NEK10: variants seen among roughly 807,000 people sequenced by gnomAD.
NEK10 encodes serine/threonine-protein kinase Nek10.
Under a neutral mutation model 159.8 loss-of-function variants are expected in NEK10, and 122 were observed. The observed-to-expected ratio is 0.76, with a 90% CI of 0.66 to 0.89. The LOEUF (loss-of-function observed/expected upper bound fraction) is 0.89. Among genes scored for constraint, NEK10 ranks in the 40% least tolerant of loss-of-function variants. The pLI is 0.00. For missense variants in NEK10, 1,342 were observed against 1,323.1 expected (o/e 1.01, Z -0.22); for synonymous variants, 466 against 457.1 (o/e 1.02, Z -0.25).
At chr3:27,144,797 C>T (rs1267303192) in intron 30 of NEK10, among the ~76,000 whole-genome samples, 3 of 152,166 alleles carry the variant, frequency 2.0e-5, no homozygotes, top group East Asian at 3.9e-4. Context: ...TCACAGTTCA[C>T]TGCAGCCTCT....
chr3:27,192,377 T>TA, intron 25 of NEK10, 135 bp from the exon 26 acceptor site: 1 of 657,642 alleles, frequency 1.5e-6, no homozygotes, highest in South Asian at 1.9e-5. Context: ...ATAAGATGGA[T>TA]ATCAAGCACA....
At chr3:27,358,887 T>C (rs915874292) in intron 1 of NEK10, among the ~76,000 whole-genome samples, 1 of 152,326 alleles carries the variant, frequency 6.6e-6, no homozygotes, top group South Asian at 2.1e-4. Flanking sequence ...CTACATTTAC[T>C]AATGGTTAAA....
rs566144472 is a variant in NEK10 at position 27,270,829 on chromosome 3, C to T, written c.2014+13773G>A. Among the ~76,000 whole-genome samples, 89 of 152,204 alleles carry T rather than the reference C, an allele frequency of 5.8e-4. 1 individual carries two copies. The highest frequency in any genetic ancestry group is 1.9e-3 in the African/African-American group (78 of 41,550). On this transcript the variant is annotated intron_variant, in intron 22 of 35. Coordinates refer to ENST00000691995, the MANE Select transcript of NEK10 (RefSeq NM_001394966.1). ...AAGCCAAACTACTACAAGGTCTACA[C>T]GACCATACATGATCTGGGCGTTCAG...
chr3:27,288,779 G>A (rs538501713), intron 19 of NEK10, among the ~76,000 whole-genome samples: 3 of 152,274 alleles, frequency 2.0e-5, no homozygotes, highest in South Asian at 2.1e-4. Flanking sequence ...GATAAAATTT[G>A]TCTTAGAACA....
chr3:27,116,996 G>T (rs1337940716), intron 33 of NEK10, among the ~76,000 whole-genome samples: 1 of 151,936 alleles, frequency 6.6e-6, no homozygotes, highest in Non-Finnish European at 1.5e-5. Context: ...CACCCCAACA[G>T]GCCCCAGTGT....
intron 23 of NEK10, among the ~76,000 whole-genome samples, chr3:27,246,627 C>T (rs1420542242): frequency 6.6e-6 from 1 of 152,056 alleles, no homozygotes; most frequent in African/African-American, 2.4e-5. Context: ...GTTGTGCTAT[C>T]AAATATTAGC....
chr3:27,214,191 T>C (rs959108954), intron 23 of NEK10, among the ~76,000 whole-genome samples: 10 of 152,248 alleles, frequency 6.6e-5, no homozygotes, highest in African/African-American at 2.4e-4. Context: ...ACCAAATCAA[T>C]GTATACCTTA....
At chr3:27,157,385 C>T (rs1403800011) in intron 30 of NEK10, among the ~76,000 whole-genome samples, 1 of 152,028 alleles carries the variant, frequency 6.6e-6, no homozygotes, top group Non-Finnish European at 1.5e-5. Context: ...AAGTTGGTTC[C>T]AACTCTCATG....
At chr3:27,305,501 G>A (rs1157196288) in intron 11 of NEK10, among the ~76,000 whole-genome samples, 2 of 151,882 alleles carry the variant, frequency 1.3e-5, no homozygotes, top group Non-Finnish European at 2.9e-5. Flanking sequence ...ACTCCAGCCT[G>A]GGTGACAGAG....
At chr3:27,365,885 C>G (rs2049044406) in intron 1 of NEK10, among the ~76,000 whole-genome samples, 1 of 151,970 alleles carries the variant, frequency 6.6e-6, no homozygotes, top group African/African-American at 2.4e-5. Context: ...AGTGAGCCAT[C>G]ATGCCTGGCC....
intron 31 of NEK10, among the ~76,000 whole-genome samples, chr3:27,140,987 T>C (rs1298762972): frequency 6.6e-6 from 1 of 152,226 alleles, no homozygotes; most frequent in African/African-American, 2.4e-5. Context: ...AATAGCCATT[T>C]TTTAGCACTG....
intron 29 of NEK10, 109 bp downstream of exon 29, chr3:27,171,710 A>G (rs1471995126): frequency 8.9e-7 from 1 of 1,119,016 alleles, no homozygotes; most frequent in Non-Finnish European, 1.3e-6. Context: ...TCTAACTCCT[A>G]TTTCCGCAGG....
chr3:27,308,844 A>C, intron 10 of NEK10, 82 bp downstream of exon 10: 1 of 589,000 alleles, frequency 1.7e-6, no homozygotes, highest in East Asian at 3.0e-5. Flanking sequence ...GTAGTTGACA[A>C]AGTAACTGAT....
Position 27,331,243 on chromosome 3 carries a change from AAAAAAAAC to A in NEK10, c.363-8990_363-8983del, listed in dbSNP as rs1340397164. Among the ~76,000 whole-genome samples the A allele has an allele frequency of 1.1e-4, 14 of 122,906 alleles. No homozygotes were observed. In the East Asian group the frequency reaches 3.2e-3, roughly 28 times the overall value. 80.6% of individuals were successfully genotyped at this position (122,906 alleles called of 152,430 possible). ...ATAAAGTAAGACTCTGTCTCAAAAA[AAAAAAAAC>A]AAAAAAAAAAAACACACAAACCTAA... is the stretch of plus-strand genomic sequence containing the variant. On this transcript the variant is annotated intron_variant, in intron 5 of 35. Transcript: ENST00000691995.
chr3:27,174,076 A>G (rs1487409510), intron 28 of NEK10, among the ~76,000 whole-genome samples: 2 of 152,196 alleles, frequency 1.3e-5, no homozygotes, highest in Non-Finnish European at 2.9e-5. Flanking sequence ...CTATACCAGG[A>G]CCAATTTCTT....
At chr3:27,360,124 T>C (rs2048580950) in intron 1 of NEK10, among the ~76,000 whole-genome samples, 1 of 152,218 alleles carries the variant, frequency 6.6e-6, no homozygotes, top group Non-Finnish European at 1.5e-5. Flanking sequence ...TAGTCTAAAC[T>C]GTTGTCTTGA....
intron 23 of NEK10, among the ~76,000 whole-genome samples, chr3:27,207,026 T>C (rs997098369): frequency 1.3e-5 from 2 of 152,172 alleles, no homozygotes; most frequent in African/African-American, 2.4e-5. Flanking sequence ...TCCTTTTAAA[T>C]ATGTGTGTGT....
intron 35 of NEK10, among the ~76,000 whole-genome samples, chr3:27,115,362 T>A (rs1462048474): frequency 6.6e-6 from 1 of 152,200 alleles, no homozygotes; most frequent in African/African-American, 2.4e-5. Context: ...TTGATGCAAT[T>A]GATAAAATAG....
intron 23 of NEK10, among the ~76,000 whole-genome samples, chr3:27,248,897 A>T (rs971719850): frequency 6.6e-6 from 1 of 152,190 alleles, no homozygotes; most frequent in Non-Finnish European, 1.5e-5. Context: ...ATTAAGTCCA[A>T]TGATCCTTTA....
Sources: allele counts gnomAD v4.1 joint callset (sites outside exome capture counted in the v4.1 genomes callset), GRCh38; gene constraint gnomAD v4.1.1; transcripts MANE v1.5; gene names NCBI Gene and HGNC (gene_info 2026-07-23, HGNC 2026-07-21).